Variants in FAM241A observed in about 807,000 individuals in gnomAD.
FAM241A encodes family with sequence similarity 241 member A.
In FAM241A, 7 loss-of-function variants were observed where a neutral mutation model predicts 12.2. The observed-to-expected ratio is 0.58, with a 90% CI of 0.33 to 1.08. The LOEUF is 1.08. Ranked by LOEUF, FAM241A falls within the 50% of genes least tolerant of loss-of-function variation. The probability of loss-of-function intolerance (pLI) is 0.04; values close to 1 mark genes in which losing one functional copy is unlikely to be tolerated. For synonymous variants in FAM241A, 74 were observed against 68.2 expected (o/e 1.08, Z -0.42); for missense variants, 161 against 169.7 (o/e 0.95, Z 0.29).
At chr4:112,147,862 A>G (rs957913229) in intron 1 of FAM241A, among the ~76,000 whole-genome samples, 3 of 152,108 alleles carry the variant, frequency 2.0e-5, no homozygotes, top group African/African-American at 7.2e-5. Context: ...TTAGCTGGAA[A>G]TGAGACAGAG....
In FAM241A at chr4:112,175,220, A is replaced by C. The variant is rs554531048; in HGVS notation, c.154-11473A>C. Among the ~76,000 whole-genome samples, 4 of 152,278 alleles carry C rather than the reference A, an allele frequency of 2.6e-5. No individual in the cohort carries two copies. The East Asian group carries it at 5.8e-4, about 22-fold the overall frequency. ...TATGCTAGCTATATCTGAGTACTTA[A>C]ATTATGTCAATGAAACCGTCTCTAT... is the stretch of plus-strand genomic sequence containing the variant. On this transcript the variant is annotated intron_variant, in intron 1 of 1. Coordinates refer to ENST00000309733, the MANE Select transcript of FAM241A (RefSeq NM_152400.3).
intron 1 of FAM241A, among the ~76,000 whole-genome samples, chr4:112,149,564 A>G (rs1723206297): frequency 6.6e-6 from 1 of 152,224 alleles, no homozygotes; most frequent in African/African-American, 2.4e-5. Flanking sequence ...AACTAGGTCA[A>G]TGAGTCAAAC....
At chr4:112,186,253 C>T (rs1052813159) in intron 1 of FAM241A, among the ~76,000 whole-genome samples, 3 of 152,128 alleles carry the variant, frequency 2.0e-5, no homozygotes, top group Admixed American at 6.6e-5. Flanking sequence ...CAAGGGCCTG[C>T]GCTGAAGTCT....
In FAM241A at chr4:112,192,839, T is replaced by G. The variant is rs1490656596; in HGVS notation, c.*5901T>G. On this transcript the variant is annotated 3_prime_UTR_variant, in exon 2 of 2. Transcript: ENST00000309733. ...CATGTGTCTTTATAGCAGCATGATT[T>G]ATAGTCCTTTGAGTATATACCCAGT... 2.0e-5 allele frequency: 3 copies of G among 151,950 alleles called. 1 individual carries two copies. Among genetic ancestry groups the G allele is most frequent in the African/African-American group, 7.3e-5 (3 of 41,278 alleles). The allele number at this position is 151,950 out of a possible 1,614,324, so 9.4% of individuals were successfully genotyped here. A position where few individuals can be genotyped will look rare whatever the true frequency, so the allele number is the denominator to read the frequency against.
rs561325304 is a variant in FAM241A, at chr4:112,193,824, G to A, written c.*6886G>A. 298 of 150,772 alleles carry A rather than the reference G, an allele frequency of 2.0e-3. 2 individuals are homozygous for A. Among genetic ancestry groups the A allele is most frequent in the African/African-American group, 6.8e-3 (277 of 40,954 alleles). The allele number at this position is 150,772 out of a possible 1,614,324, so 9.3% of individuals were successfully genotyped here. A position where few individuals can be genotyped will look rare whatever the true frequency, so the allele number is the denominator to read the frequency against. On this transcript the variant is annotated 3_prime_UTR_variant, in exon 2 of 2. Coordinates refer to ENST00000309733, the MANE Select transcript of FAM241A (RefSeq NM_152400.3). ...TCTTTTGGCTTAGGATTGACTTGGC[G>A]ATGCGGGCTCTTTTTTGGTTCCATA... is the stretch of plus-strand genomic sequence containing the variant.
At chr4:112,150,198 C>G (rs1723220433) in intron 1 of FAM241A, among the ~76,000 whole-genome samples, 1 of 151,916 alleles carries the variant, frequency 6.6e-6, no homozygotes, top group Non-Finnish European at 1.5e-5. Flanking sequence ...GAATAATGTA[C>G]TTTCTGCCTT....
At chr4:112,177,082 T>G (rs1196901896) in intron 1 of FAM241A, among the ~76,000 whole-genome samples, 2 of 152,200 alleles carry the variant, frequency 1.3e-5, no homozygotes, top group African/African-American at 2.4e-5. Context: ...CATTTGAATC[T>G]GAATTCATTA....
At chr4:112,175,790 A>G (rs1254595569) in intron 1 of FAM241A, among the ~76,000 whole-genome samples, 2 of 151,988 alleles carry the variant, frequency 1.3e-5, no homozygotes, top group African/African-American at 2.4e-5. Flanking sequence ...AGAAAATGAA[A>G]TGTTCTTATT....
At position 112,179,310 on chromosome 4, in the gene FAM241A, A is replaced by G. The variant is rs147684460; in HGVS notation, c.154-7383A>G. Among the ~76,000 whole-genome samples the G allele has an allele frequency of 6.1e-3, 935 of 152,300 alleles. 10 individuals are homozygous for G. The highest frequency in any genetic ancestry group is 0.019 in the African/African-American group (785 of 41,564). On this transcript the variant is annotated intron_variant, in intron 1 of 1. Coordinates refer to ENST00000309733, the MANE Select transcript of FAM241A (RefSeq NM_152400.3). ...ATAGCAAAGACTTGGAACCAACCCAAATGTCCAACAATGATAGACTGGATT... is the reference window on the plus strand; with the variant it reads ...ATAGCAAAGACTTGGAACCAACCCAGATGTCCAACAATGATAGACTGGATT...
At chr4:112,148,633 G>C (rs1316570842) in intron 1 of FAM241A, among the ~76,000 whole-genome samples, 5 of 152,170 alleles carry the variant, frequency 3.3e-5, no homozygotes, top group African/African-American at 1.2e-4. Context: ...TGTCTAAAGA[G>C]AGATAAGCAA....
rs149624209 is a variant in FAM241A at position 112,181,503 on chromosome 4, C to T, written c.154-5190C>T. ...ATTCATATCAGAGGATATCAGTGGCCAGCAAAAATAAATACTGTTCCTAGT... is the reference window on the plus strand; with the variant it reads ...ATTCATATCAGAGGATATCAGTGGCTAGCAAAAATAAATACTGTTCCTAGT... On this transcript the variant is annotated intron_variant, in intron 1 of 1. Coordinates refer to ENST00000309733, the MANE Select transcript of FAM241A (RefSeq NM_152400.3). 3.7e-3 allele frequency among the ~76,000 whole-genome samples: 560 copies of T among 152,210 alleles called. 6 individuals are homozygous for T. Among genetic ancestry groups the T allele is most frequent in the African/African-American group, 0.013 (528 of 41,530 alleles).
chr4:112,190,139 A>G lies in FAM241A; in HGVS notation c.*3201A>G, dbSNP rs1239951939. 7.6e-6 allele frequency: 1 copy of G among 131,104 alleles called. No homozygotes were observed. The highest frequency in any genetic ancestry group is 2.0e-4 in the East Asian group (1 of 4,912). The allele number at this position is 131,104 out of a possible 1,614,324, so 8.1% of individuals were successfully genotyped here. ...GCTGTCACCAAGCTGTAAATCCACT[A>G]AAGACTATCCAGGCAATCAGGAAAG... On this transcript the variant is annotated 3_prime_UTR_variant, in exon 2 of 2. Transcript: ENST00000309733.
intron 1 of FAM241A, among the ~76,000 whole-genome samples, chr4:112,147,036 T>G (rs61130306): frequency 0.44 from 67,378 of 151,984 alleles, 15,435 homozygotes; most frequent in East Asian, 0.57. Context: ...TGGGGAGGGG[T>G]TGCATTTGAG....
At chr4:112,160,001 G>T (rs1353865178) in intron 1 of FAM241A, among the ~76,000 whole-genome samples, 1 of 152,172 alleles carries the variant, frequency 6.6e-6, no homozygotes, top group Non-Finnish European at 1.5e-5. Flanking sequence ...CTTGTTTGCA[G>T]ATGATATGAT....
At chr4:112,169,970 A>G (rs1255726347) in intron 1 of FAM241A, among the ~76,000 whole-genome samples, 2 of 152,184 alleles carry the variant, frequency 1.3e-5, no homozygotes, top group Non-Finnish European at 2.9e-5. Context: ...TTTTTCAAAA[A>G]GCCTTTTTTT....
chr4:112,153,459 T>C (rs1213080919), intron 1 of FAM241A, among the ~76,000 whole-genome samples: 1 of 152,208 alleles, frequency 6.6e-6, no homozygotes, highest in African/African-American at 2.4e-5. Flanking sequence ...AATCTTATCT[T>C]CCAGTAACAG....
intron 1 of FAM241A, among the ~76,000 whole-genome samples, chr4:112,153,456 T>C (rs374978075): frequency 8.5e-5 from 13 of 152,242 alleles, no homozygotes; most frequent in African/African-American, 2.4e-4. Flanking sequence ...CATAATCTTA[T>C]CTTCCAGTAA....
intron 1 of FAM241A, among the ~76,000 whole-genome samples, chr4:112,159,487 C>A (rs995255847): frequency 6.6e-6 from 1 of 152,166 alleles, no homozygotes; most frequent in Admixed American, 6.5e-5. Context: ...AGAAAGAAAA[C>A]TGCAGACCAG....
intron 1 of FAM241A, among the ~76,000 whole-genome samples, chr4:112,173,474 C>T (rs1387830199): frequency 6.6e-6 from 1 of 152,034 alleles, no homozygotes; most frequent in East Asian, 1.9e-4. Context: ...AGTTAATTAC[C>T]AGCTAAAGTA....
Sources: allele counts gnomAD v4.1 joint callset (sites outside exome capture counted in the v4.1 genomes callset), GRCh38; gene constraint gnomAD v4.1.1; transcripts MANE v1.5; gene names NCBI Gene and HGNC (gene_info 2026-07-23, HGNC 2026-07-21).